The following IL5RA variants were observed in gnomAD, a reference collection of about 807,000 sequenced individuals.
The protein encoded by IL5RA is interleukin-5 receptor subunit alpha.
IL5RA carries 49 observed loss-of-function variants against 50.0 expected under a neutral mutation model. That is an observed-to-expected ratio of 0.98 (90% confidence interval 0.78 to 1.24). IL5RA has a LOEUF of 1.24. Ranked by LOEUF, IL5RA falls within the 50% of genes most tolerant of loss-of-function variation. The pLI, the probability that IL5RA is intolerant of heterozygous loss-of-function variation, is 0.00. For synonymous variants in IL5RA, 202 were observed against 174.0 expected, an observed-to-expected ratio of 1.16 and a Z score of -1.26; for missense variants, 600 against 500.4, an observed-to-expected ratio of 1.20 and a Z score of -1.90.
intron 5 of IL5RA, among the ~76,000 whole-genome samples, chr3:3,099,567 T>A (rs964900202): frequency 1.3e-5 from 2 of 151,998 alleles, no homozygotes; most frequent in African/African-American, 4.8e-5. Flanking sequence ...AGGTCGAGGC[T>A]GCAATGAACC....
At chr3:3,090,546 CTTTTTTTTTTTTTTCTTTTCTTTCTT>C (rs1703044326) in intron 9 of IL5RA, among the ~76,000 whole-genome samples, 2 of 131,618 alleles carry the variant, frequency 1.5e-5, no homozygotes, top group Admixed American at 1.6e-4. Flanking sequence ...TTTGAATTTT[CTTTTTTTTTTTTTTCTTTTCTTTCTT>C]TTTTTTTTTT....
intron 9 of IL5RA, among the ~76,000 whole-genome samples, chr3:3,086,320 A>G (rs778712517): frequency 2.0e-5 from 3 of 152,182 alleles, no homozygotes; most frequent in Non-Finnish European, 4.4e-5. Flanking sequence ...AAGATGATGG[A>G]CTTGAGAAAA....
In IL5RA at chr3:3,086,800, T is replaced by C. The variant is rs569197839; in HGVS notation, c.994+5424A>G. On this transcript the variant is annotated intron_variant, in intron 9 of 11. Coordinates refer to ENST00000446632, the MANE Select transcript of IL5RA (RefSeq NM_175726.4). ...ACAGCACCATTCACAATTGCAAAGA[T>C]ATGGAATCCACCTAAGTACCTATCA... Among the ~76,000 whole-genome samples the C allele has an allele frequency of 3.3e-5, 5 of 152,306 alleles. No homozygotes were observed. In the East Asian group the frequency reaches 5.8e-4, roughly 18 times the overall value.
chr3:3,077,784 A>G (rs980235322), intron 9 of IL5RA, among the ~76,000 whole-genome samples: 7 of 152,058 alleles, frequency 4.6e-5, no homozygotes, highest in African/African-American at 1.7e-4. Flanking sequence ...GCCCCCCTGC[A>G]AAAAAAGAAA....
In IL5RA at chr3:3,092,631, G is replaced by A. The variant is rs2125973355; in HGVS notation, c.856-269C>T. The stretch of plus-strand genomic sequence containing the variant: ...GTGTTCCTATCCAGGCCCAGCTGAT[G>A]TTTCCAGACTGAAAGACTGGAGTGG... On this transcript the variant is annotated intron_variant, in intron 8 of 11. Coordinates refer to ENST00000446632, the MANE Select transcript of IL5RA (RefSeq NM_175726.4). The surrounding 1 kb of genome is among the most constrained non-coding windows in gnomAD (Gnocchi z 4.2). Among the ~76,000 whole-genome samples the A allele has an allele frequency of 6.6e-6, 1 of 152,316 alleles. No individual in the cohort carries two copies. The highest frequency in any genetic ancestry group is 2.4e-5 in the African/African-American group (1 of 41,570).
intron 5 of IL5RA, among the ~76,000 whole-genome samples, chr3:3,099,956 G>A (rs1428278711): frequency 6.6e-6 from 1 of 152,068 alleles, no homozygotes; most frequent in Non-Finnish European, 1.5e-5. Flanking sequence ...AGGCGTGAGC[G>A]ACCGCACCCG....
At chr3:3,082,483 G>T (rs909595284) in intron 9 of IL5RA, among the ~76,000 whole-genome samples, 3 of 152,158 alleles carry the variant, frequency 2.0e-5, no homozygotes, top group Non-Finnish European at 4.4e-5. Flanking sequence ...TTGATTCCTG[G>T]GTGCTTTTTA....
At chr3:3,084,733 A>C (rs1702790722) in intron 9 of IL5RA, among the ~76,000 whole-genome samples, 2 of 152,224 alleles carry the variant, frequency 1.3e-5, no homozygotes, top group African/African-American at 4.8e-5. Flanking sequence ...CTGTGTTCCA[A>C]ACCCGGATGT....
rs751431363 is a variant in IL5RA at position 3,098,142 on chromosome 3, G to A, written c.516C>T (p.Tyr172=). The A allele has an allele frequency of 5.6e-6, 9 of 1,614,072 alleles. No individual in the cohort carries two copies. The South Asian group carries it at 8.8e-5, about 16-fold the overall frequency. The part of the protein sequence containing the change: ...DAPEDTQYFL[Y]YRYGSWTEEC... ...AAAATAGGTACAGTACTAACCTATA[G>A]TAGAGAAAATACTGCGTGTCCTCAG... Residue 172 remains tyrosine, a synonymous_variant, in exon 6 of 12, where the codon TAC becomes TAT. Coordinates refer to ENST00000446632, the MANE Select transcript of IL5RA (RefSeq NM_175726.4).
intron 8 of IL5RA, among the ~76,000 whole-genome samples, chr3:3,093,537 A>G (rs1703226401): frequency 1.3e-5 from 2 of 152,248 alleles, no homozygotes; most frequent in Admixed American, 1.3e-4. Flanking sequence ...ATTAGACATT[A>G]TAAAAACACA....
chr3:3,091,832 C>G (rs1158154310), intron 9 of IL5RA: 1 of 228,294 alleles, frequency 4.4e-6, no homozygotes, highest in Non-Finnish European at 7.5e-6. Context: ...CACTATTGTA[C>G]TATAGTTTTG....
chr3:3,088,324 T>C (rs1702956097), intron 9 of IL5RA, among the ~76,000 whole-genome samples: 1 of 152,096 alleles, frequency 6.6e-6, no homozygotes, highest in African/African-American at 2.4e-5. Flanking sequence ...CAGGTGAGGA[T>C]GCTAAGCCCA....
chr3:3,071,451 T>A (rs1188528168), intron 11 of IL5RA, among the ~76,000 whole-genome samples: 1 of 152,210 alleles, frequency 6.6e-6, no homozygotes. Flanking sequence ...CTTGTCTCTA[T>A]AAAAATTGTC....
At chr3:3,070,353 C>T (rs772873077) in intron 11 of IL5RA, 42 bp from the exon 12 acceptor site, 1 of 1,291,110 alleles carries the variant, frequency 7.7e-7, no homozygotes, top group Admixed American at 1.9e-5. Context: ...TTTTAGAGAA[C>T]TTTTGGGTTC....
rs888940839 is a variant in IL5RA at position 3,106,761 on chromosome 3, G to C, written c.-3-1774C>G. ...ATGAAGGTGATTTCTTAAAATGTCAGCATTTCCTGAAATAATATTAAATAT... is the reference window on the plus strand; with the variant it reads ...ATGAAGGTGATTTCTTAAAATGTCACCATTTCCTGAAATAATATTAAATAT... On this transcript the variant is annotated intron_variant, in intron 2 of 11. Transcript: ENST00000446632. Among the ~76,000 whole-genome samples the C allele has an allele frequency of 5.7e-4, 86 of 152,070 alleles. 1 individual carries two copies. Among genetic ancestry groups the C allele is most frequent in the Non-Finnish European group, 1.5e-4 (10 of 67,984 alleles).
intron 8 of IL5RA, 39 bp downstream of exon 8, chr3:3,095,260 A>G (rs1425598449): frequency 1.3e-6 from 2 of 1,489,324 alleles, no homozygotes; most frequent in African/African-American, 1.4e-5. Flanking sequence ...TCTAAAACAA[A>G]TGTCTGTTAT....
chr3:3,094,247 G>A (rs1331202952), intron 8 of IL5RA, among the ~76,000 whole-genome samples: 1 of 152,100 alleles, frequency 6.6e-6, no homozygotes, highest in African/African-American at 2.4e-5. Flanking sequence ...CTGGAACTCT[G>A]TACCCATTAA....
chr3:3,077,824 T>A (rs898770626), intron 9 of IL5RA, among the ~76,000 whole-genome samples: 1 of 152,098 alleles, frequency 6.6e-6, no homozygotes, highest in East Asian at 1.9e-4. Context: ...TACCAAATAG[T>A]GTTTAAAGAG....
intron 5 of IL5RA, among the ~76,000 whole-genome samples, chr3:3,098,864 C>G (rs1659231723): frequency 6.6e-6 from 1 of 152,112 alleles, no homozygotes; most frequent in African/African-American, 2.4e-5. Context: ...TGTGGAAGTT[C>G]AAGAGAAGTA....
Sources: gnomAD v4.1 joint callset for allele counts (sites outside exome capture counted in the v4.1 genomes callset) on GRCh38, gnomAD v4.1.1 for gene constraint, Gnocchi (gnomAD v3.1) non-coding constraint, MANE v1.5 for transcripts, NCBI Gene and HGNC (gene_info 2026-07-23, HGNC 2026-07-21) for gene names.